Variants in TENM4 observed in about 807,000 individuals in gnomAD.
TENM4 encodes the protein teneurin transmembrane protein 4.
Under a neutral mutation model 243.3 loss-of-function variants are expected in TENM4, and 82 were observed. That is an observed-to-expected ratio of 0.34 (90% confidence interval 0.28 to 0.40). TENM4 has a LOEUF of 0.40. TENM4 is among the 10% of genes least tolerant of loss of function. TENM4 has a pLI of 1.00. For missense variants in TENM4, 3,138 were observed against 3,673.3 expected, an observed-to-expected ratio of 0.85 and a Z score of 3.77; for synonymous variants, 1,412 against 1,456.3, an observed-to-expected ratio of 0.97 and a Z score of 0.69.
intron 1 of TENM4, among the ~76,000 whole-genome samples, chr11:79,309,346 AGGCCAAGAGGGTCCTCATCCCATCCT>A (rs373672641): frequency 2.6e-4 from 39 of 152,304 alleles, no homozygotes; most frequent in African/African-American, 9.1e-4. Context: ...TTTCCCATAC[AGGCCAAGAGGGTCCTCATCCCATCCT>A]GGCCCTGGAG....
chr11:78,978,762 T>C (rs1857724949), intron 6 of TENM4, among the ~76,000 whole-genome samples: 2 of 152,196 alleles, frequency 1.3e-5, no homozygotes, highest in South Asian at 4.1e-4. Flanking sequence ...AAAGAGTTCA[T>C]ACTTTGGAGG....
At chr11:79,023,586 ACT>A (rs1190358439) in intron 6 of TENM4, among the ~76,000 whole-genome samples, 1 of 150,796 alleles carries the variant, frequency 6.6e-6, no homozygotes, top group Non-Finnish European at 1.5e-5. Context: ...AATCATGATG[ACT>A]CTTTCTACAA....
intron 6 of TENM4, among the ~76,000 whole-genome samples, chr11:79,006,713 T>G (rs1858493971): frequency 6.6e-6 from 1 of 152,210 alleles, no homozygotes; most frequent in Non-Finnish European, 1.5e-5. Context: ...TATCTTTTGT[T>G]ACAAAGAATA....
At chr11:79,093,941 A>G (rs1052331670) in intron 4 of TENM4, 3 of 152,220 alleles carry the variant, frequency 2.0e-5, no homozygotes, top group Non-Finnish European at 4.4e-5. Context: ...AGGCACAGGT[A>G]GCTGAATTTA....
At chr11:78,844,576 A>C (rs1446086225) in intron 12 of TENM4, among the ~76,000 whole-genome samples, 1 of 151,862 alleles carries the variant, frequency 6.6e-6, no homozygotes. Context: ...AGGCAGGTGG[A>C]GTTTGCAGTG....
intron 3 of TENM4, among the ~76,000 whole-genome samples, chr11:79,153,389 A>G (rs1409546413): frequency 6.6e-6 from 1 of 152,186 alleles, no homozygotes; most frequent in East Asian, 1.9e-4. Flanking sequence ...AGCAAGGGCC[A>G]GGGGCAGAGC....
At chr11:78,912,700 T>C (rs1171763682) in intron 6 of TENM4, among the ~76,000 whole-genome samples, 1 of 152,150 alleles carries the variant, frequency 6.6e-6, no homozygotes, top group East Asian at 1.9e-4. Flanking sequence ...GCCCTTTAAC[T>C]AGACAATTGA....
intron 3 of TENM4, among the ~76,000 whole-genome samples, chr11:79,194,001 T>G (rs1940735229): frequency 1.3e-5 from 2 of 152,052 alleles, no homozygotes; most frequent in African/African-American, 4.8e-5. Flanking sequence ...AATTCCCACC[T>G]GTTGTGGGAG....
In TENM4 at chr11:78,676,361, C is replaced by T. The variant is rs201995608; in HGVS notation, c.5287G>A (p.Gly1763Arg). ...QDQVRNSYYIGADGSLRLLLA... is the reference protein window; with the variant it reads ...QDQVRNSYYIRADGSLRLLLA... ...AGCAGCCGCAAGGAGCCATCGGCCC[C>T]GATGTAGTAGCTGTTCCGGACTTGG... Residue 1763 changes from glycine to arginine, a missense_variant, in exon 30 of 34, where the codon GGG (glycine) becomes AGG (arginine). Gly to Arg is a moderately radical substitution (Grantham distance 125). Coordinates refer to ENST00000278550, the MANE Select transcript of TENM4 (RefSeq NM_001098816.3). The T allele has an allele frequency of 5.3e-4, 853 of 1,604,870 alleles. 2 individuals carry two copies. Among genetic ancestry groups the T allele is most frequent in the South Asian group, 6.7e-4 (61 of 90,728 alleles).
At chr11:78,731,044 A>T (rs1454576200) in intron 21 of TENM4, among the ~76,000 whole-genome samples, 1 of 152,176 alleles carries the variant, frequency 6.6e-6, no homozygotes, top group Non-Finnish European at 1.5e-5. Context: ...GGGAAAATCC[A>T]AGAGTTTGTT....
rs576071432 is a variant in TENM4 at position 79,440,470 on chromosome 11, C to T, written c.-321+39G>A. The T allele has an allele frequency of 1.4e-4, 21 of 152,430 alleles. No homozygotes were observed. Among genetic ancestry groups the T allele is most frequent in the Admixed American group, 1.3e-3 (20 of 15,310 alleles). The allele number at this position is 152,430 out of a possible 1,614,324, so 9.4% of individuals were successfully genotyped here. On this transcript the variant is annotated intron_variant, in intron 1 of 33. Transcript: ENST00000278550. This position sits in a 1 kb window ranked among gnomAD's most constrained non-coding sequence, Gnocchi z 4.7. ...AGCTGGCGAGGCGTCGCCGCGGTCC[C>T]CAAGGCGCTTTTCCGTAGAGCGGAT...
chr11:79,179,053 A>G (rs1402152522), intron 3 of TENM4, among the ~76,000 whole-genome samples: 1 of 152,256 alleles, frequency 6.6e-6, no homozygotes, highest in Non-Finnish European at 1.5e-5. Flanking sequence ...CAAGGACGTC[A>G]GTACCTTTAA....
intron 1 of TENM4, among the ~76,000 whole-genome samples, chr11:79,381,526 CCG>C (rs1458129062): frequency 6.6e-6 from 1 of 150,864 alleles, no homozygotes; most frequent in Non-Finnish European, 1.5e-5. Context: ...AACCCGTTGA[CCG>C]AATTGAGTTC....
chr11:78,727,179 T>G (rs1229608046), intron 22 of TENM4, among the ~76,000 whole-genome samples: 1 of 152,212 alleles, frequency 6.6e-6, no homozygotes, highest in Non-Finnish European at 1.5e-5. Context: ...TTGGGCGCGG[T>G]GGCTCACGCC....
In TENM4 at chr11:79,055,113, G is replaced by A. The variant is rs1455446263; in HGVS notation, c.493+9625C>T. Among the ~76,000 whole-genome samples, 39 of 137,312 alleles carry A rather than the reference G, an allele frequency of 2.8e-4. 1 individual carries two copies. The Admixed American group carries it at 3.0e-3, about 10-fold the overall frequency. 90.1% of individuals were successfully genotyped at this position (137,312 alleles called of 152,430 possible). A position where few individuals can be genotyped will look rare whatever the true frequency, so the allele number is the denominator to read the frequency against. ...CTGCACTCCAGCCTGGAAAACAAGA[G>A]TGAAACTCCATCTCAAAAAAAAAAA... is the stretch of plus-strand genomic sequence containing the variant. On this transcript the variant is annotated intron_variant, in intron 6 of 33. Transcript: ENST00000278550.
At chr11:79,286,665 G>A (rs1239323164) in intron 2 of TENM4, among the ~76,000 whole-genome samples, 6 of 151,804 alleles carry the variant, frequency 4.0e-5, no homozygotes, top group African/African-American at 4.8e-5. Flanking sequence ...GCGAAACTCC[G>A]TCTCAAAAAA....
intron 1 of TENM4, among the ~76,000 whole-genome samples, chr11:79,437,526 C>T (rs1859299091): frequency 6.6e-6 from 1 of 152,212 alleles, no homozygotes; most frequent in Non-Finnish European, 1.5e-5. Context: ...GCCCACCCGG[C>T]CGCCCCGCTG....
chr11:79,410,474 C>A (rs561148139), intron 1 of TENM4, among the ~76,000 whole-genome samples: 1 of 152,326 alleles, frequency 6.6e-6, no homozygotes, highest in South Asian at 2.1e-4. Flanking sequence ...TACATATTAA[C>A]TGACTAAATG....
intron 4 of TENM4, among the ~76,000 whole-genome samples, chr11:79,100,233 A>G (rs747671143): frequency 2.0e-5 from 3 of 152,158 alleles, no homozygotes; most frequent in Admixed American, 6.5e-5. Flanking sequence ...CACTTTTCTC[A>G]ACTTAAAAAG....
Sources: gnomAD v4.1 joint callset for allele counts (sites outside exome capture counted in the v4.1 genomes callset) on GRCh38, gnomAD v4.1.1 for gene constraint, Gnocchi (gnomAD v3.1) non-coding constraint, MANE v1.5 for transcripts, NCBI Gene and HGNC (gene_info 2026-07-23, HGNC 2026-07-21) for gene names.